SCGN: variants seen among roughly 807,000 people sequenced by gnomAD.
SCGN encodes the protein secretagogin.
SCGN carries 30 observed loss-of-function variants against 39.7 expected under a neutral mutation model. That is an observed-to-expected ratio of 0.76 (90% CI 0.57 to 1.03). The LOEUF is 1.03. Ranked by LOEUF, SCGN falls within the 50% of genes least tolerant of loss-of-function variation. The probability of loss-of-function intolerance (pLI) is 0.00; values close to 1 mark genes in which losing one functional copy is unlikely to be tolerated. For synonymous variants in SCGN, 106 were observed against 114.1 expected (o/e 0.93, Z 0.45); for missense variants, 353 against 349.4 (o/e 1.01, Z -0.08).
At chr6:25,689,635 G>T (rs1759751521) in intron 9 of SCGN, 103 bp downstream of exon 9, 4 of 890,372 alleles carry the variant, frequency 4.5e-6, no homozygotes, top group Non-Finnish European at 7.4e-6. Context: ...CTTACATGAT[G>T]AATACCAATC....
chr6:25,680,365 C>A (rs142321568), intron 6 of SCGN, among the ~76,000 whole-genome samples: 6 of 152,318 alleles, frequency 3.9e-5, no homozygotes, highest in African/African-American at 1.4e-4. Flanking sequence ...ATATGTGTGC[C>A]ATTCATCCCT....
intron 2 of SCGN, among the ~76,000 whole-genome samples, chr6:25,658,003 C>CTTTT (rs759915721): frequency 3.3e-4 from 23 of 70,374 alleles, no homozygotes; most frequent in Non-Finnish European, 5.2e-4. Context: ...GAAAGGTATC[C>CTTTT]TTTTTTTTTT....
intron 4 of SCGN, among the ~76,000 whole-genome samples, chr6:25,666,410 A>G (rs576658144): frequency 6.6e-6 from 1 of 152,308 alleles, no homozygotes; most frequent in Non-Finnish European, 1.5e-5. Context: ...TTAAAATCAG[A>G]TGTAGACAAA....
At chr6:25,699,968 G>A (rs1424611928) in intron 10 of SCGN, among the ~76,000 whole-genome samples, 6 of 152,068 alleles carry the variant, frequency 3.9e-5, no homozygotes, top group South Asian at 2.1e-4. Context: ...GCCAGTGGCC[G>A]GGCACGGTGG....
Position 25,684,359 on chromosome 6 carries a change from G to A in SCGN, c.527+2353G>A, listed in dbSNP as rs113589899. Among the ~76,000 whole-genome samples the A allele has an allele frequency of 2.0e-3, 299 of 152,258 alleles. 1 individual carries two copies. The highest frequency in any genetic ancestry group is 3.0e-3 in the Non-Finnish European group (205 of 68,034). On this transcript the variant is annotated intron_variant, in intron 7 of 10. Transcript: ENST00000377961. ...TGGGGATTGGTTCCAGAACCTCCGCGGATACCAGATACCCAAATCCTCGGA... is the reference window on the plus strand; with the variant it reads ...TGGGGATTGGTTCCAGAACCTCCGCAGATACCAGATACCCAAATCCTCGGA...
At chr6:25,679,955 G>C (rs548837975) in intron 6 of SCGN, among the ~76,000 whole-genome samples, 6 of 152,316 alleles carry the variant, frequency 3.9e-5, no homozygotes, top group African/African-American at 1.4e-4. Flanking sequence ...TTTATGGAAA[G>C]AGCTCTGGTG....
intron 2 of SCGN, among the ~76,000 whole-genome samples, chr6:25,654,799 C>T (rs1371556633): frequency 1.3e-5 from 2 of 151,880 alleles, no homozygotes; most frequent in African/African-American, 4.8e-5. Context: ...TGCTCTTTGT[C>T]TGCCTGCACT....
chr6:25,657,624 C>T (rs1445650267), intron 2 of SCGN, among the ~76,000 whole-genome samples: 2 of 151,090 alleles, frequency 1.3e-5, no homozygotes, highest in Non-Finnish European at 2.9e-5. Context: ...GAAGCTTACT[C>T]TCTTAAACAC....
intron 2 of SCGN, among the ~76,000 whole-genome samples, chr6:25,653,754 T>G (rs1052208733): frequency 6.6e-6 from 1 of 152,212 alleles, no homozygotes; most frequent in African/African-American, 2.4e-5. Context: ...CTCTGCTAAT[T>G]GATTTATACC....
chr6:25,699,785 C>CTGAT (rs1429651543), intron 10 of SCGN, among the ~76,000 whole-genome samples: 1 of 151,972 alleles, frequency 6.6e-6, no homozygotes, highest in East Asian at 1.9e-4. Flanking sequence ...GAGCCAAGTT[C>CTGAT]TGATTGGTCA....
At chr6:25,668,513 T>C (rs1328706353) in intron 4 of SCGN, among the ~76,000 whole-genome samples, 1 of 152,254 alleles carries the variant, frequency 6.6e-6, no homozygotes, top group Non-Finnish European at 1.5e-5. Flanking sequence ...GCAAGATTTC[T>C]TAGAGGACTT....
rs759742454 is a variant in SCGN at position 25,701,179 on chromosome 6, G to A, written c.703-28G>A. The A allele has an allele frequency of 1.9e-6, 3 of 1,596,616 alleles. No homozygotes were observed. In the South Asian group the frequency reaches 3.5e-5, roughly 18 times the overall value. ...GGGTGAGAACACCATTGGCTTGCCT[G>A]TTAACATGTTACTTTTGTCGCCCTC... On this transcript the variant is annotated intron_variant, in intron 10 of 10. Coordinates refer to ENST00000377961, the MANE Select transcript of SCGN (RefSeq NM_006998.4).
rs141887898 is a variant in SCGN, at chr6:25,658,229, C to T, written c.154-3323C>T. ...TAATTTTTTGTATTTTTAATGGAGA[C>T]GGGGTTTCACCATGTTAGCCAGCAT... On this transcript the variant is annotated intron_variant, in intron 2 of 10. Transcript: ENST00000377961. 9.2e-3 allele frequency among the ~76,000 whole-genome samples: 1,387 copies of T among 151,072 alleles called. 16 individuals are homozygous for T. Among genetic ancestry groups the T allele is most frequent in the African/African-American group, 0.03 (1,228 of 41,188 alleles).
chr6:25,662,831 C>T (rs147412168), intron 3 of SCGN, among the ~76,000 whole-genome samples: 1 of 152,276 alleles, frequency 6.6e-6, no homozygotes, highest in East Asian at 1.9e-4. Flanking sequence ...TAAATGCAAA[C>T]AGCAAGTTAG....
chr6:25,662,073 C>T (rs1760348337), intron 3 of SCGN, among the ~76,000 whole-genome samples: 1 of 152,142 alleles, frequency 6.6e-6, no homozygotes, highest in Non-Finnish European at 1.5e-5. Flanking sequence ...AGATCTATCC[C>T]TAAGATTATT....
At chr6:25,675,698 T>A (rs577706610) in intron 6 of SCGN, among the ~76,000 whole-genome samples, 1 of 152,318 alleles carries the variant, frequency 6.6e-6, no homozygotes, top group South Asian at 2.1e-4. Context: ...GCTCTCATAT[T>A]TTATGCCTGG....
rs181617501 is a variant in SCGN, at chr6:25,654,771, T to C, written c.153+1319T>C. Among the ~76,000 whole-genome samples, 58 of 152,272 alleles carry C rather than the reference T, an allele frequency of 3.8e-4. 1 individual carries two copies. The East Asian group carries it at 9.3e-3, about 24-fold the overall frequency. On this transcript the variant is annotated intron_variant, in intron 2 of 10. Transcript: ENST00000377961. ...CCCTTTTCTTTGTCTCTTATCTCCC[T>C]TTTTCTGTACCTTTTATTGCTCTTT... is the stretch of plus-strand genomic sequence containing the variant.
At chr6:25,672,462 G>A (rs1020792612) in intron 6 of SCGN, among the ~76,000 whole-genome samples, 2 of 152,186 alleles carry the variant, frequency 1.3e-5, no homozygotes, top group African/African-American at 2.4e-5. Context: ...GGGAAGAAGG[G>A]GTACTTTTCA....
intron 10 of SCGN, among the ~76,000 whole-genome samples, chr6:25,696,575 C>T (rs908283056): frequency 3.3e-5 from 5 of 152,106 alleles, no homozygotes; most frequent in African/African-American, 1.2e-4. Flanking sequence ...AAAGATCTTT[C>T]TCTATATTTG....
Sources: allele counts gnomAD v4.1 joint callset (sites outside exome capture counted in the v4.1 genomes callset), GRCh38; gene constraint gnomAD v4.1.1; transcripts MANE v1.5; gene names NCBI Gene and HGNC (gene_info 2026-07-23, HGNC 2026-07-21).